LHFPL6: variants seen among roughly 807,000 people sequenced by gnomAD.
LHFPL6 encodes the protein LHFPL tetraspan subfamily member 6 protein.
A neutral mutation model predicts 20.6 loss-of-function variants in LHFPL6; 9 were observed. The observed-to-expected ratio is 0.44, with a 90% CI of 0.26 to 0.76. The LOEUF is 0.76. Ranked by LOEUF, LHFPL6 falls within the 30% of genes least tolerant of loss-of-function variation. The pLI is 0.20. For missense variants in LHFPL6, 218 were observed against 253.5 expected (o/e 0.86, Z 0.95); for synonymous variants, 105 against 98.7 (o/e 1.06, Z -0.38).
At chr13:39,525,389 A>T (rs1226089217) in intron 2 of LHFPL6, among the ~76,000 whole-genome samples, 1 of 152,128 alleles carries the variant, frequency 6.6e-6, no homozygotes, top group Non-Finnish European at 1.5e-5. Flanking sequence ...TGAAATAACT[A>T]ATTTTCATAA....
intron 2 of LHFPL6, among the ~76,000 whole-genome samples, chr13:39,394,934 C>A (rs558746899): frequency 1.3e-5 from 2 of 152,164 alleles, no homozygotes; most frequent in South Asian, 2.1e-4. Flanking sequence ...CTGCCTGGCA[C>A]AGACTATATC....
chr13:39,459,194 ATGTGTGTGTGTGTGTG>A (rs58955444), intron 2 of LHFPL6, among the ~76,000 whole-genome samples: 11,939 of 136,070 alleles, frequency 0.088, 891 homozygotes, highest in East Asian at 0.44. Flanking sequence ...AAGTTCCTTA[ATGTGTGTGTGTGTGTG>A]TGTGTGTGTG....
At chr13:39,579,743 T>TA (rs1426995633) in intron 2 of LHFPL6, among the ~76,000 whole-genome samples, 5 of 152,158 alleles carry the variant, frequency 3.3e-5, no homozygotes, top group African/African-American at 1.2e-4. Flanking sequence ...CACTTCAACA[T>TA]ACACCTGCAA....
intron 3 of LHFPL6, among the ~76,000 whole-genome samples, chr13:39,368,365 C>T (rs1280674818): frequency 3.3e-5 from 5 of 151,530 alleles, no homozygotes; most frequent in Admixed American, 6.6e-5. Context: ...GGGCAGATAA[C>T]GAGGTCAAGA....
intron 3 of LHFPL6, among the ~76,000 whole-genome samples, chr13:39,356,614 T>C (rs1869733509): frequency 6.6e-6 from 1 of 152,152 alleles, no homozygotes; most frequent in South Asian, 2.1e-4. Context: ...ATAGATAGAC[T>C]GCTAGCTAGA....
intron 2 of LHFPL6, among the ~76,000 whole-genome samples, chr13:39,446,311 A>G (rs1407287270): frequency 1.3e-5 from 2 of 152,172 alleles, no homozygotes; most frequent in Non-Finnish European, 2.9e-5. Flanking sequence ...TGTGCACTGT[A>G]ACTCCTACCA....
intron 2 of LHFPL6, among the ~76,000 whole-genome samples, chr13:39,444,834 C>T (rs2138416663): frequency 6.6e-6 from 1 of 152,294 alleles, no homozygotes; most frequent in Non-Finnish European, 1.5e-5. Context: ...AGAGCAATGC[C>T]TAGTGGAGCC....
chr13:39,384,865 T>G (rs1320916367), intron 2 of LHFPL6, among the ~76,000 whole-genome samples: 1 of 152,178 alleles, frequency 6.6e-6, no homozygotes, highest in Non-Finnish European at 1.5e-5. Context: ...AAAAAAGGCG[T>G]CAGTTTCACA....
chr13:39,372,092 G>A (rs1284968322), intron 3 of LHFPL6, among the ~76,000 whole-genome samples: 1 of 152,158 alleles, frequency 6.6e-6, no homozygotes, highest in African/African-American at 2.4e-5. Context: ...AGTCAAGTCT[G>A]TAGCTGACCT....
chr13:39,555,861 G>C (rs1871288567), intron 2 of LHFPL6, among the ~76,000 whole-genome samples: 2 of 152,100 alleles, frequency 1.3e-5, no homozygotes, highest in Admixed American at 6.6e-5. Flanking sequence ...GTTGCAGGTG[G>C]GACCTAGTGG....
chr13:39,554,587 T>A (rs1426152183), intron 2 of LHFPL6, among the ~76,000 whole-genome samples: 3 of 152,174 alleles, frequency 2.0e-5, no homozygotes. Context: ...CACACCAGAA[T>A]CAATGCCCAA....
chr13:39,550,833 G>A (rs1871127687), intron 2 of LHFPL6, among the ~76,000 whole-genome samples: 1 of 152,092 alleles, frequency 6.6e-6, no homozygotes, highest in Admixed American at 6.6e-5. Context: ...AATTATTTCA[G>A]TCTTGAATGC....
chr13:39,520,787 C>A (rs1249152197), intron 2 of LHFPL6, among the ~76,000 whole-genome samples: 1 of 152,230 alleles, frequency 6.6e-6, no homozygotes. Context: ...AGAGCAGAGA[C>A]TTTCAACCCT....
At chr13:39,410,897 T>C (rs1437681917) in intron 2 of LHFPL6, among the ~76,000 whole-genome samples, 2 of 152,222 alleles carry the variant, frequency 1.3e-5, no homozygotes, top group African/African-American at 4.8e-5. Context: ...AACTTCCTGA[T>C]CACACAACTG....
chr13:39,602,075 A>G (rs1414980765), intron 1 of LHFPL6, among the ~76,000 whole-genome samples: 1 of 152,192 alleles, frequency 6.6e-6, no homozygotes, highest in Non-Finnish European at 1.5e-5. Flanking sequence ...CAACAGTTCT[A>G]TTGCAATCAT....
chr13:39,539,403 A>T (rs1433732572), intron 2 of LHFPL6, among the ~76,000 whole-genome samples: 1 of 152,190 alleles, frequency 6.6e-6, no homozygotes, highest in Non-Finnish European at 1.5e-5. Flanking sequence ...CAATGAACCA[A>T]ATCACCAGTG....
intron 2 of LHFPL6, among the ~76,000 whole-genome samples, chr13:39,575,060 C>T (rs1328427241): frequency 1.3e-5 from 2 of 151,810 alleles, no homozygotes; most frequent in Non-Finnish European, 2.9e-5. Flanking sequence ...ACAGAGCAAA[C>T]TCCATCTCAA....
At chr13:39,550,987 C>T (rs1202607626) in intron 2 of LHFPL6, among the ~76,000 whole-genome samples, 3 of 152,084 alleles carry the variant, frequency 2.0e-5, no homozygotes, top group Non-Finnish European at 2.9e-5. Context: ...TGACCTTTTA[C>T]CCACATGTTG....
In LHFPL6 at chr13:39,505,209, A is replaced by T. The variant is rs79846099; in HGVS notation, c.385+95623T>A. 5.9e-5 allele frequency among the ~76,000 whole-genome samples: 9 copies of T among 152,338 alleles called. No homozygotes were observed. In the East Asian group the frequency reaches 1.5e-3, roughly 26 times the overall value. On this transcript the variant is annotated intron_variant, in intron 2 of 3. Transcript: ENST00000379589. ...GAGGTCAAGAGAATGGTTTAACATCAATCAGGTATAGATGTTATCAGCATG... is the reference window on the plus strand; with the variant it reads ...GAGGTCAAGAGAATGGTTTAACATCTATCAGGTATAGATGTTATCAGCATG...
Sources: gnomAD v4.1 joint callset for allele counts (sites outside exome capture counted in the v4.1 genomes callset) on GRCh38, gnomAD v4.1.1 for gene constraint, MANE v1.5 for transcripts, NCBI Gene and HGNC (gene_info 2026-07-23, HGNC 2026-07-21) for gene names.